The following MOB1B variants were observed in gnomAD, a reference collection of about 807,000 sequenced individuals.
The protein encoded by MOB1B is MOB1 Mps One Binder homolog B.
A neutral mutation model predicts 24.4 loss-of-function variants in MOB1B; 19 were observed. The ratio of observed to expected loss-of-function variants is 0.78; its 90% CI spans 0.54 to 1.14. The LOEUF (loss-of-function observed/expected upper bound fraction) is 1.14. Among genes scored for constraint, MOB1B ranks in the 50% most tolerant of loss-of-function variants. The pLI is 0.00. For synonymous variants in MOB1B, 76 were observed against 82.1 expected, an observed-to-expected ratio of 0.93 and a Z score of 0.40; for missense variants, 243 against 259.6, an observed-to-expected ratio of 0.94 and a Z score of 0.44.
chr4:70,975,588 TTGA>T, intron 4 of MOB1B: 1 of 997,504 alleles, frequency 1.0e-6, no homozygotes, highest in Non-Finnish European at 1.2e-6. Flanking sequence ...GTAATTATTT[TTGA>T]TGATATTCTA....
At chr4:70,926,754 C>T (rs1393137136) in intron 1 of MOB1B, among the ~76,000 whole-genome samples, 2 of 152,054 alleles carry the variant, frequency 1.3e-5, no homozygotes, top group African/African-American at 4.8e-5. Context: ...CGCCTGTAAT[C>T]CCAGCATTTT....
chr4:70,953,127 T>G (rs937932048), intron 1 of MOB1B, among the ~76,000 whole-genome samples: 1 of 151,832 alleles, frequency 6.6e-6, no homozygotes, highest in Non-Finnish European at 1.5e-5. Context: ...TTAGCAGAGA[T>G]AGGGTTTCAC....
chr4:70,928,750 A>T (rs1736756395), intron 1 of MOB1B, among the ~76,000 whole-genome samples: 1 of 152,290 alleles, frequency 6.6e-6, no homozygotes, highest in Admixed American at 6.5e-5. Context: ...GATTTTTATA[A>T]TAAAAAAACT....
chr4:70,937,830 T>G (rs531098643), intron 1 of MOB1B, among the ~76,000 whole-genome samples: 52 of 152,290 alleles, frequency 3.4e-4, no homozygotes, highest in South Asian at 6.2e-4. Flanking sequence ...CCGGCCCATC[T>G]CTTTGTTTTT....
chr4:70,982,168 CG>C lies in MOB1B; in HGVS notation c.*116del. Reference sequence around the variant, plus strand: ...ATTGTTTTTGTCCTAGGTTTGGGGGCGGGGGCTTGTTTGGGTTCCTTTTTCT... The same window carrying C: ...ATTGTTTTTGTCCTAGGTTTGGGGGCGGGGCTTGTTTGGGTTCCTTTTTCT... On this transcript the variant is annotated 3_prime_UTR_variant, in exon 6 of 6. Coordinates refer to ENST00000309395, the MANE Select transcript of MOB1B (RefSeq NM_173468.4). 2 of 692,744 alleles carry C rather than the reference CG, an allele frequency of 2.9e-6. No individual in the cohort carries two copies. Among genetic ancestry groups the C allele is most frequent in the Non-Finnish European group, 2.4e-6 (1 of 419,880 alleles). 42.9% of individuals were successfully genotyped at this position (692,744 alleles called of 1,614,324 possible).
chr4:70,972,693 A>G (rs1393699006), intron 3 of MOB1B, among the ~76,000 whole-genome samples: 1 of 152,230 alleles, frequency 6.6e-6, no homozygotes, highest in East Asian at 1.9e-4. Context: ...CTAAGTATAA[A>G]CACGATGAAA....
chr4:70,942,894 A>G lies in MOB1B; in HGVS notation c.15-15980A>G, dbSNP rs186021888. On this transcript the variant is annotated intron_variant, in intron 1 of 5. Transcript: ENST00000309395. ...CTGGAGGCAAAGAAGTAAGCAAAGA[A>G]AAAATTATTATATGAATGTTTAAGA... The G allele has an allele frequency of 3.6e-5, 28 of 776,464 alleles. 2 individuals are homozygous for G. In the African/African-American group the frequency reaches 4.9e-4, roughly 14 times the overall value. The allele number at this position is 776,464 out of a possible 1,614,324, so 48.1% of individuals were successfully genotyped here. A position where few individuals can be genotyped will look rare whatever the true frequency, so the allele number is the denominator to read the frequency against.
Position 70,971,965 on chromosome 4 carries a change from TCTTC to T in MOB1B, c.275+1946_275+1949del, listed in dbSNP as rs138818226. On this transcript the variant is annotated intron_variant, in intron 3 of 5. Coordinates refer to ENST00000309395, the MANE Select transcript of MOB1B (RefSeq NM_173468.4). ...TCTTCTTTCTCTACGTCTCTTTTCT[TCTTC>T]CTTCTCTTCTTGTCTTTCCTCCCTC... 2.5e-3 allele frequency among the ~76,000 whole-genome samples: 382 copies of T among 151,906 alleles called. 3 individuals are homozygous for T. The highest frequency in any genetic ancestry group is 8.6e-3 in the African/African-American group (358 of 41,436).
chr4:70,917,406 C>T (rs906530284), intron 1 of MOB1B, among the ~76,000 whole-genome samples: 27 of 152,280 alleles, frequency 1.8e-4, no homozygotes, highest in African/African-American at 6.5e-4. Context: ...AATCTCTGAA[C>T]TTGGGGAAAA....
At chr4:70,940,419 C>T (rs1737280801) in intron 1 of MOB1B, among the ~76,000 whole-genome samples, 1 of 152,108 alleles carries the variant, frequency 6.6e-6, no homozygotes, top group Admixed American at 6.6e-5. Context: ...GAGCGAGACC[C>T]CATGTCAGAA....
chr4:70,950,036 C>T (rs1018755220), intron 1 of MOB1B, among the ~76,000 whole-genome samples: 2 of 151,934 alleles, frequency 1.3e-5, no homozygotes, highest in Non-Finnish European at 2.9e-5. Flanking sequence ...TTGTGTTGTT[C>T]GTGAATGACT....
Position 70,957,427 on chromosome 4 carries a change from T to G in MOB1B, c.15-1447T>G, listed in dbSNP as rs892449443. 9.3e-5 allele frequency among the ~76,000 whole-genome samples: 14 copies of G among 150,738 alleles called. No homozygotes were observed. In the East Asian group the frequency reaches 9.8e-4, roughly 10 times the overall value. On this transcript the variant is annotated intron_variant, in intron 1 of 5. Transcript: ENST00000309395. ...CAGAAGATTTAAAAATCGCTCGCTC[T>G]CTCTCTCTTTTTTTTTTTTTTTAAA... is the stretch of plus-strand genomic sequence containing the variant.
intron 1 of MOB1B, among the ~76,000 whole-genome samples, chr4:70,950,427 C>CAAAAAAAAAAAAAAAAAAAAAAAAA (rs34937726): frequency 1.4e-5 from 1 of 70,392 alleles, no homozygotes. Context: ...GTCTCTGTAT[C>CAAAAAAAAAAAAAAAAAAAAAAAAA]AAAAAAAAAA....
intron 1 of MOB1B, among the ~76,000 whole-genome samples, chr4:70,906,069 A>C: frequency 7.0e-6 from 1 of 143,548 alleles, no homozygotes; most frequent in East Asian, 2.1e-4. Flanking sequence ...AGAGAGTGAG[A>C]CTCTGTCTTA....
At chr4:70,948,680 A>G (rs183870935) in intron 1 of MOB1B, among the ~76,000 whole-genome samples, 109 of 152,168 alleles carry the variant, frequency 7.2e-4, no homozygotes, top group Non-Finnish European at 7.2e-4. Flanking sequence ...TTTTCCTGGA[A>G]TATTTAGTGA....
At chr4:70,958,667 G>T in intron 1 of MOB1B, 1 of 679,240 alleles carries the variant, frequency 1.5e-6, no homozygotes. Flanking sequence ...AGAGGTGTTA[G>T]TTACAGCTTA....
chr4:70,946,084 CTTT>C (rs11331194), intron 1 of MOB1B, among the ~76,000 whole-genome samples: 35 of 85,384 alleles, frequency 4.1e-4, no homozygotes, highest in Non-Finnish European at 4.6e-4. Flanking sequence ...TTTGTTTGTT[CTTT>C]TTTTTTTTTT....
chr4:70,904,684 G>A (rs551237350), intron 1 of MOB1B, among the ~76,000 whole-genome samples: 5 of 151,720 alleles, frequency 3.3e-5, no homozygotes, highest in South Asian at 2.1e-4. Context: ...ACTTGAACCC[G>A]GGAGGTAGAG....
At chr4:70,939,253 T>A (rs1737228001) in intron 1 of MOB1B, among the ~76,000 whole-genome samples, 1 of 152,180 alleles carries the variant, frequency 6.6e-6, no homozygotes, top group East Asian at 1.9e-4. Context: ...TAGCCTCCAC[T>A]TCCTACTCAA....
Sources: allele counts gnomAD v4.1 joint callset (sites outside exome capture counted in the v4.1 genomes callset), GRCh38; gene constraint gnomAD v4.1.1; transcripts MANE v1.5; gene names NCBI Gene and HGNC (gene_info 2026-07-23, HGNC 2026-07-21).